Variants in SEPTIN9 observed in about 807,000 individuals in gnomAD.
SEPTIN9 encodes the protein septin-9.
A neutral mutation model predicts 56.6 loss-of-function variants in SEPTIN9; 13 were observed. That is an observed-to-expected ratio of 0.23 (90% CI 0.15 to 0.37). SEPTIN9 has a LOEUF of 0.37. Among genes scored for constraint, SEPTIN9 ranks in the 10% least tolerant of loss-of-function variants. The pLI is 1.00. For synonymous variants in SEPTIN9, 332 were observed against 334.1 expected (o/e 0.99, Z 0.07); for missense variants, 650 against 823.1 (o/e 0.79, Z 2.57).
intron 3 of SEPTIN9, among the ~76,000 whole-genome samples, chr17:77,454,926 G>C (rs1242605305): frequency 6.6e-6 from 1 of 152,208 alleles, no homozygotes; most frequent in Non-Finnish European, 1.5e-5. Context: ...GCTGCGGGAA[G>C]GGGCTGGGCC....
intron 1 of SEPTIN9, among the ~76,000 whole-genome samples, chr17:77,295,065 G>A (rs555925217): frequency 1.3e-5 from 2 of 152,252 alleles, no homozygotes; most frequent in South Asian, 4.1e-4. Flanking sequence ...GCCCCCACGT[G>A]GCAGCAAGCC....
chr17:77,451,421 G>T lies in SEPTIN9; in HGVS notation c.722-30723G>T, dbSNP rs112943424. On this transcript the variant is annotated intron_variant, in intron 3 of 11. Coordinates refer to ENST00000427177, the MANE Select transcript of SEPTIN9 (RefSeq NM_001113491.2). The surrounding 1 kb of genome is among the most constrained non-coding windows in gnomAD (Gnocchi z 4.2). The stretch of plus-strand genomic sequence containing the variant: ...CGCGCTCTGGGAGGCTCCTTGTTCC[G>T]CGACCACAAAGCCCCTTTGATCCTC... 1.8e-5 allele frequency: 18 copies of T among 985,606 alleles called. No individual in the cohort carries two copies. The highest frequency in any genetic ancestry group is 7.0e-5 in the African/African-American group (4 of 57,356). 61.1% of individuals were successfully genotyped at this position (985,606 alleles called of 1,614,324 possible).
intron 7 of SEPTIN9, among the ~76,000 whole-genome samples, chr17:77,489,929 G>A (rs1280969375): frequency 1.3e-5 from 2 of 152,218 alleles, no homozygotes; most frequent in African/African-American, 4.8e-5. Flanking sequence ...CCTCAGCTGA[G>A]GCTGATGGCA....
intron 4 of SEPTIN9, chr17:77,484,054 G>A (rs1416587645): frequency 6.6e-6 from 1 of 152,278 alleles, no homozygotes; most frequent in African/African-American, 2.4e-5. Context: ...CCTCCTCTGT[G>A]AGCCTTAGCT....
At chr17:77,416,414 C>T (rs564369363) in intron 3 of SEPTIN9, among the ~76,000 whole-genome samples, 6 of 152,212 alleles carry the variant, frequency 3.9e-5, no homozygotes, top group Non-Finnish European at 7.3e-5. Context: ...GCTGAGCCCC[C>T]GGCCCTCTGA....
At chr17:77,495,841 C>T (rs1312270838) in intron 10 of SEPTIN9, among the ~76,000 whole-genome samples, 2 of 152,198 alleles carry the variant, frequency 1.3e-5, no homozygotes, top group East Asian at 1.9e-4. Context: ...CCGGCCCTGC[C>T]TGCTGGCCTA....
chr17:77,450,805 C>T lies in SEPTIN9; in HGVS notation c.722-31339C>T, dbSNP rs897940031. On this transcript the variant is annotated intron_variant, in intron 3 of 11. Transcript: ENST00000427177. This position sits in a 1 kb window ranked among gnomAD's most constrained non-coding sequence, Gnocchi z 6.0. ...GCTCAGGGTGAGCTGCGCCCCCATC[C>T]CCTGCCCCTCCTCTCCTGCTCCTTC... 3.0e-5 allele frequency: 30 copies of T among 986,268 alleles called. No homozygotes were observed. Among genetic ancestry groups the T allele is most frequent in the Non-Finnish European group, 3.6e-5 (30 of 830,720 alleles). The allele number at this position is 986,268 out of a possible 1,614,324, so 61.1% of individuals were successfully genotyped here. A position where few individuals can be genotyped will look rare whatever the true frequency, so the allele number is the denominator to read the frequency against.
intron 1 of SEPTIN9, among the ~76,000 whole-genome samples, chr17:77,302,351 T>G (rs968219341): frequency 6.6e-6 from 1 of 151,828 alleles, no homozygotes. Context: ...TATATCTAGG[T>G]TCCCCAAATT....
At chr17:77,376,618 C>T (rs1024442496) in intron 2 of SEPTIN9, 2 of 154,588 alleles carry the variant, frequency 1.3e-5, no homozygotes, top group Non-Finnish European at 2.8e-5. Flanking sequence ...AATCCTGTAA[C>T]AGAGGCCACA....
At chr17:77,304,346 TAAAC>T (rs1257360721) in intron 1 of SEPTIN9, among the ~76,000 whole-genome samples, 1 of 152,062 alleles carries the variant, frequency 6.6e-6, no homozygotes, top group African/African-American at 2.4e-5. Context: ...ATCAGAAAAA[TAAAC>T]AGTGTAAATA....
In SEPTIN9 at chr17:77,405,390, A is replaced by C. The variant is rs1296413461; in HGVS notation, c.721+2687A>C. ...GGGGAGAGAAAGGCAGGCCACGTGGAGGCAGCAGCGTTCAGAGCTGCCAGG... is the reference window on the plus strand; with the variant it reads ...GGGGAGAGAAAGGCAGGCCACGTGGCGGCAGCAGCGTTCAGAGCTGCCAGG... On this transcript the variant is annotated intron_variant, in intron 3 of 11. Coordinates refer to ENST00000427177, the MANE Select transcript of SEPTIN9 (RefSeq NM_001113491.2). The surrounding 1 kb of genome is among the most constrained non-coding windows in gnomAD (Gnocchi z 5.8). 6.6e-6 allele frequency among the ~76,000 whole-genome samples: 1 copy of C among 152,088 alleles called. No homozygotes were observed. Among genetic ancestry groups the C allele is most frequent in the Non-Finnish European group, 1.5e-5 (1 of 68,008 alleles).
rs2037902141 is a variant in SEPTIN9 at position 77,449,972 on chromosome 17, G to A, written c.722-32172G>A. ...ATTTCAGTGTTTGACTCAGAACCCA[G>A]GTCTCTGATCTGCCACCAGCCTCCC... On this transcript the variant is annotated intron_variant, in intron 3 of 11. Coordinates refer to ENST00000427177, the MANE Select transcript of SEPTIN9 (RefSeq NM_001113491.2). The surrounding 1 kb of genome is among the most constrained non-coding windows in gnomAD (Gnocchi z 4.6). Among the ~76,000 whole-genome samples, 2 of 152,132 alleles carry A rather than the reference G, an allele frequency of 1.3e-5. No individual in the cohort carries two copies. The highest frequency in any genetic ancestry group is 1.3e-4 in the Admixed American group (2 of 15,282).
chr17:77,349,833 G>A lies in SEPTIN9; in HGVS notation c.76+42636G>A, dbSNP rs183588236. Among the ~76,000 whole-genome samples, 24 of 152,342 alleles carry A rather than the reference G, an allele frequency of 1.6e-4. No homozygotes were observed. The East Asian group carries it at 4.4e-3, about 28-fold the overall frequency. On this transcript the variant is annotated intron_variant, in intron 2 of 11. Transcript: ENST00000427177. ...TGACCAGATAGCAGCTACTCTCTGT[G>A]ACCAGGAGCCTTGATCTTCCAGACT...
intron 3 of SEPTIN9, chr17:77,472,346 G>A (rs1041839987): frequency 6.6e-6 from 1 of 152,188 alleles, no homozygotes; most frequent in African/African-American, 2.4e-5. Flanking sequence ...AGGGTTTGGC[G>A]AGGGAAAAGC....
At position 77,307,201 on chromosome 17, in the gene SEPTIN9, G is replaced by C. The variant is rs1036973911; in HGVS notation, c.76+4G>C. Reference sequence around the variant, plus strand: ...CTTGGTGACTCCAGTGGCCCAGGTAGGTGGCTCGCTCCGCTCTGGCCCCAC... The same window carrying C: ...CTTGGTGACTCCAGTGGCCCAGGTACGTGGCTCGCTCCGCTCTGGCCCCAC... On this transcript the variant is annotated splice_donor_region_variant and intron_variant, in intron 2 of 11. Transcript: ENST00000427177. The C allele has an allele frequency of 5.6e-6, 9 of 1,613,594 alleles. No homozygotes were observed. Among genetic ancestry groups the C allele is most frequent in the Non-Finnish European group, 6.8e-6 (8 of 1,179,696 alleles).
chr17:77,422,680 G>A (rs1185501304), intron 3 of SEPTIN9, among the ~76,000 whole-genome samples: 2 of 136,286 alleles, frequency 1.5e-5, no homozygotes, highest in Non-Finnish European at 3.0e-5. Context: ...CCATGAAACC[G>A]GGCCCATCCC....
chr17:77,325,461 G>T (rs1352767768), intron 2 of SEPTIN9, among the ~76,000 whole-genome samples: 1 of 152,212 alleles, frequency 6.6e-6, no homozygotes. Context: ...TCCCCTCTCA[G>T]GCCAGCCAGG....
intron 1 of SEPTIN9, among the ~76,000 whole-genome samples, chr17:77,301,263 C>A (rs1199351736): frequency 6.6e-6 from 1 of 152,100 alleles, no homozygotes; most frequent in Non-Finnish European, 1.5e-5. Flanking sequence ...TGCTGTGTTG[C>A]CCAGGCTGAT....
At chr17:77,460,341 G>A (rs2038411886) in intron 3 of SEPTIN9, among the ~76,000 whole-genome samples, 1 of 152,114 alleles carries the variant, frequency 6.6e-6, no homozygotes, top group African/African-American at 2.4e-5. Flanking sequence ...TGCCGTGCTG[G>A]GCTGGCTCCT....
Sources: allele counts gnomAD v4.1 joint callset (sites outside exome capture counted in the v4.1 genomes callset), GRCh38; gene constraint gnomAD v4.1.1; non-coding constraint Gnocchi (gnomAD v3.1); transcripts MANE v1.5; gene names NCBI Gene and HGNC (gene_info 2026-07-23, HGNC 2026-07-21).